C12orf60: variants seen among roughly 807,000 people sequenced by gnomAD.
C12orf60 encodes chromosome 12 open reading frame 60.
For synonymous variants in C12orf60, 102 were observed against 94.6 expected (o/e 1.08, Z -0.45); for missense variants, 284 against 283.2 (o/e 1.00, Z -0.02).
At chr12:14,820,643 ATCT>A (rs1457951454) in intron 1 of C12orf60, among the ~76,000 whole-genome samples, 1 of 151,882 alleles carries the variant, frequency 6.6e-6, no homozygotes, top group Non-Finnish European at 1.5e-5. Context: ...TTTTTCATGT[ATCT>A]TCTTTGTTGA....
intron 1 of C12orf60, among the ~76,000 whole-genome samples, chr12:14,816,984 C>T (rs1252465337): frequency 6.6e-6 from 1 of 152,126 alleles, no homozygotes; most frequent in Non-Finnish European, 1.5e-5. Flanking sequence ...CTTAAGTGAT[C>T]TGCCTACCTC....
chr12:14,814,570 A>G (rs188553723), intron 1 of C12orf60, among the ~76,000 whole-genome samples: 2 of 152,246 alleles, frequency 1.3e-5, no homozygotes, highest in East Asian at 3.9e-4. Context: ...TTGCACCTCT[A>G]ACTGTTGCTG....
At chr12:14,814,670 ATTCT>A (rs1950190287) in intron 1 of C12orf60, among the ~76,000 whole-genome samples, 1 of 151,838 alleles carries the variant, frequency 6.6e-6, no homozygotes, top group Non-Finnish European at 1.5e-5. Context: ...CCTCTTTGTC[ATTCT>A]TTCTCTTCCT....
chr12:14,804,467 T>C (rs190506949), intron 1 of C12orf60, among the ~76,000 whole-genome samples: 1 of 152,366 alleles, frequency 6.6e-6, no homozygotes, highest in African/African-American at 2.4e-5. Flanking sequence ...TACTAATTTT[T>C]AGCAGAATCT....
intron 1 of C12orf60, among the ~76,000 whole-genome samples, chr12:14,816,007 C>T (rs1239371268): frequency 6.6e-6 from 1 of 152,372 alleles, no homozygotes; most frequent in East Asian, 1.9e-4. Flanking sequence ...CCCTAATCAA[C>T]TTGAACTTCT....
chr12:14,804,100 G>A (rs1950010880), intron 1 of C12orf60, among the ~76,000 whole-genome samples: 1 of 152,176 alleles, frequency 6.6e-6, no homozygotes, highest in East Asian at 1.9e-4. Flanking sequence ...TGTTAGTAGT[G>A]TTTTGAAGAA....
At chr12:14,813,468 A>G (rs1043856775) in intron 1 of C12orf60, among the ~76,000 whole-genome samples, 6 of 152,378 alleles carry the variant, frequency 3.9e-5, no homozygotes, top group Middle Eastern at 6.8e-3. Context: ...GTGATGATAT[A>G]CTTTCTGATA....
At position 14,823,546 on chromosome 12, in the gene C12orf60, C is replaced by G. The variant is rs1399824380; in HGVS notation, c.611C>G (p.Thr204Arg). ...VLKTEDSKNPTKSAADLLEQI... is the reference protein window; with the variant it reads ...VLKTEDSKNPRKSAADLLEQI... ...AAAACTGAGGATTCCAAAAATCCCA[C>G]AAAGTCAGCAGCAGATTTGTTGGAA... Residue 204 changes from threonine (T) to arginine (R), a missense_variant, in exon 2 of 2, where the codon ACA becomes AGA. Thr to Arg is a moderately conservative substitution (Grantham distance 71). Coordinates refer to ENST00000330828, the MANE Select transcript of C12orf60 (RefSeq NM_175874.4). 1 of 1,613,850 alleles carries G rather than the reference C, an allele frequency of 6.2e-7. No individual in the cohort carries two copies. The highest frequency in any genetic ancestry group is 8.5e-7 in the Non-Finnish European group (1 of 1,179,942).
intron 1 of C12orf60, among the ~76,000 whole-genome samples, chr12:14,810,461 A>G (rs1950119457): frequency 6.6e-6 from 1 of 152,256 alleles, no homozygotes; most frequent in Admixed American, 6.5e-5. Flanking sequence ...GTCATATGCC[A>G]GCACCACTCT....
chr12:14,818,724 A>G (rs549595685), intron 1 of C12orf60, among the ~76,000 whole-genome samples: 1 of 152,324 alleles, frequency 6.6e-6, no homozygotes, highest in East Asian at 1.9e-4. Flanking sequence ...CGGAGGTTGC[A>G]GTGAGCTGAG....
At chr12:14,818,229 T>C (rs1316113966) in intron 1 of C12orf60, among the ~76,000 whole-genome samples, 1 of 152,242 alleles carries the variant, frequency 6.6e-6, no homozygotes, top group Non-Finnish European at 1.5e-5. Flanking sequence ...ACCTTTATCA[T>C]GTAGGTAGAT....
chr12:14,810,082 T>C (rs71532845), intron 1 of C12orf60, among the ~76,000 whole-genome samples: 14,953 of 152,292 alleles, frequency 0.098, 975 homozygotes, highest in Admixed American at 0.22. Flanking sequence ...AGAAATGTTA[T>C]GATGTGCTAA....
intron 1 of C12orf60, among the ~76,000 whole-genome samples, chr12:14,815,774 C>T (rs925105794): frequency 4.6e-5 from 7 of 152,064 alleles, no homozygotes; most frequent in Admixed American, 6.6e-5. Context: ...ATTTTGTTTC[C>T]GAAGAGGCTA....
At chr12:14,805,897 T>G in intron 1 of C12orf60, 1 of 1,145,828 alleles carries the variant, frequency 8.7e-7, no homozygotes, top group Non-Finnish European at 1.2e-6. Context: ...TTTATCTTAT[T>G]TAAGTCCATA....
Position 14,823,418 on chromosome 12 carries a change from CA to C in C12orf60, c.486del (p.Glu163SerfsTer22), listed in dbSNP as rs1950336772. The C allele has an allele frequency of 6.2e-7, 1 of 1,613,764 alleles. No individual in the cohort carries two copies. ...QLSDFYTEDTKEQSDVTTSER... is the reference protein window; with the variant it reads ...QLSDFYTEDTXEQSDVTTSER... ...TAAGTGACTTCTATACAGAAGACAC[CA>C]AAGAGCAATCAGATGTCACCACATC... On this transcript the variant is annotated frameshift_variant, in exon 2 of 2. Coordinates refer to ENST00000330828, the MANE Select transcript of C12orf60 (RefSeq NM_175874.4). LOFTEE classifies it low-confidence loss of function (END_TRUNC).
At chr12:14,818,591 C>T (rs933021330) in intron 1 of C12orf60, among the ~76,000 whole-genome samples, 4 of 151,932 alleles carry the variant, frequency 2.6e-5, no homozygotes, top group Non-Finnish European at 5.9e-5. Flanking sequence ...CCATCCTGGC[C>T]AACTTGGTGA....
intron 1 of C12orf60, chr12:14,806,696 G>A (rs536305929): frequency 1.9e-5 from 29 of 1,557,816 alleles, no homozygotes; most frequent in South Asian, 1.8e-4. Context: ...CAATATGATC[G>A]CTGAAAAATA....
At position 14,823,728 on chromosome 12, in the gene C12orf60, T is replaced by C; in HGVS notation, c.*55T>C. On this transcript the variant is annotated 3_prime_UTR_variant, in exon 2 of 2. Transcript: ENST00000330828. ...GAAAACTACTTAAAATCTTATGGTT[T>C]TTCATAGTAGTTTCTAAGATCTTTT... 6.8e-7 allele frequency: 1 copy of C among 1,470,590 alleles called. No homozygotes were observed. The highest frequency in any genetic ancestry group is 9.0e-7 in the Non-Finnish European group (1 of 1,107,220). The allele number at this position is 1,470,590 out of a possible 1,614,324, so 91.1% of individuals were successfully genotyped here.
At chr12:14,811,584 A>T (rs898581200) in intron 1 of C12orf60, among the ~76,000 whole-genome samples, 2 of 152,216 alleles carry the variant, frequency 1.3e-5, no homozygotes, top group Non-Finnish European at 2.9e-5. Flanking sequence ...TAACCTTGTT[A>T]ATTTTTTTGA....
Sources: allele counts gnomAD v4.1 joint callset (sites outside exome capture counted in the v4.1 genomes callset), GRCh38; gene constraint gnomAD v4.1.1; transcripts MANE v1.5; gene names NCBI Gene and HGNC (gene_info 2026-07-23, HGNC 2026-07-21).